The following KHDRBS2 variants were observed in gnomAD, a reference collection of about 807,000 sequenced individuals.
The protein encoded by KHDRBS2 is KH RNA binding domain containing, signal transduction associated 2.
A neutral mutation model predicts 44.3 loss-of-function variants in KHDRBS2; 26 were observed. The ratio of observed to expected loss-of-function variants is 0.59; its 90% CI spans 0.43 to 0.81. The LOEUF is 0.81. Among genes scored for constraint, KHDRBS2 ranks in the 40% least tolerant of loss-of-function variants. KHDRBS2 has a pLI of 0.00. For missense variants in KHDRBS2, 476 were observed against 433.1 expected (o/e 1.10, Z -0.88); for synonymous variants, 194 against 151.1 (o/e 1.28, Z -2.08).
At chr6:61,772,300 G>T (rs971824296) in intron 6 of KHDRBS2, among the ~76,000 whole-genome samples, 46 of 151,926 alleles carry the variant, frequency 3.0e-4, no homozygotes, top group Admixed American at 7.9e-4. Flanking sequence ...GCTAGCAGAA[G>T]GCAAGAAATA....
the KHDRBS2 span, among the ~76,000 whole-genome samples, chr6:61,636,686 C>T: frequency 6.6e-6 from 1 of 152,076 alleles, no homozygotes; most frequent in Admixed American, 6.6e-5. Flanking sequence ...TGGCTCTCCA[C>T]CACTAAGAAG....
intron 2 of KHDRBS2, among the ~76,000 whole-genome samples, chr6:62,070,331 ACTT>A (rs1227717612): frequency 1.9e-5 from 2 of 102,582 alleles, no homozygotes; most frequent in East Asian, 2.8e-4. Flanking sequence ...GAAAGTGTTC[ACTT>A]CTTTTTTTTT....
At chr6:61,999,371 G>A (rs565590444) in intron 3 of KHDRBS2, among the ~76,000 whole-genome samples, 56 of 152,140 alleles carry the variant, frequency 3.7e-4, no homozygotes, top group African/African-American at 1.1e-3. Flanking sequence ...TGTTATGTAC[G>A]TATGGAGAAC....
chr6:62,122,613 T>C (rs1394250323), intron 2 of KHDRBS2, among the ~76,000 whole-genome samples: 1 of 152,100 alleles, frequency 6.6e-6, no homozygotes, highest in Non-Finnish European at 1.5e-5. Flanking sequence ...GACAGCCTCA[T>C]GAGGAGTTCC....
At chr6:62,060,631 C>G (rs1698834) in intron 2 of KHDRBS2, among the ~76,000 whole-genome samples, 5 of 147,344 alleles carry the variant, frequency 3.4e-5, no homozygotes, top group Non-Finnish European at 7.5e-5. Context: ...CTCTCTCTCT[C>G]TCTATATATA....
chr6:62,199,674 G>T (rs1826499759), intron 1 of KHDRBS2, among the ~76,000 whole-genome samples: 1 of 152,142 alleles, frequency 6.6e-6, no homozygotes, highest in South Asian at 2.1e-4. Context: ...GTAATTTAGA[G>T]ATTCAATGCC....
chr6:61,665,702 T>C, the KHDRBS2 span, among the ~76,000 whole-genome samples: 90 of 151,182 alleles, frequency 6.0e-4, no homozygotes, highest in African/African-American at 2.1e-3. Flanking sequence ...GAAAAAAAAA[T>C]CCAGAATTAA....
At chr6:61,560,053 G>A in the KHDRBS2 span, among the ~76,000 whole-genome samples, 1 of 151,986 alleles carries the variant, frequency 6.6e-6, no homozygotes, top group Non-Finnish European at 1.5e-5. Flanking sequence ...TCTCCTTCAT[G>A]TTTGAAGTAT....
chr6:61,939,657 C>T (rs1417360347), intron 4 of KHDRBS2, among the ~76,000 whole-genome samples: 1 of 152,150 alleles, frequency 6.6e-6, no homozygotes, highest in South Asian at 2.1e-4. Flanking sequence ...CACATTATTT[C>T]CTGCTTTTAC....
At chr6:62,064,324 T>C (rs942579595) in intron 2 of KHDRBS2, among the ~76,000 whole-genome samples, 1 of 149,142 alleles carries the variant, frequency 6.7e-6, no homozygotes, top group Non-Finnish European at 1.5e-5. Flanking sequence ...CATCGCCAAG[T>C]CAATCCTAAG....
chr6:61,769,213 G>A (rs990741861), intron 6 of KHDRBS2, among the ~76,000 whole-genome samples: 1 of 152,084 alleles, frequency 6.6e-6, no homozygotes, highest in African/African-American at 2.4e-5. Flanking sequence ...GAACAGCTCC[G>A]GTCTACGGAG....
At chr6:61,762,696 A>C (rs1779451279) in intron 6 of KHDRBS2, among the ~76,000 whole-genome samples, 1 of 152,182 alleles carries the variant, frequency 6.6e-6, no homozygotes, top group Non-Finnish European at 1.5e-5. Flanking sequence ...TTTCCTTTAT[A>C]AATAACCTTA....
the KHDRBS2 span, among the ~76,000 whole-genome samples, chr6:61,546,477 A>T: frequency 6.6e-6 from 1 of 152,128 alleles, no homozygotes; most frequent in Non-Finnish European, 1.5e-5. Flanking sequence ...AACCAATTTT[A>T]CCATAGGCTA....
the KHDRBS2 span, among the ~76,000 whole-genome samples, chr6:61,604,936 C>G: frequency 6.6e-6 from 1 of 152,076 alleles, no homozygotes; most frequent in Non-Finnish European, 1.5e-5. Context: ...CTTTATTAGT[C>G]AAATCACCCA....
chr6:62,034,305 G>T (rs1395800962), intron 3 of KHDRBS2, among the ~76,000 whole-genome samples: 1 of 151,704 alleles, frequency 6.6e-6, no homozygotes, highest in Admixed American at 6.6e-5. Context: ...GAGGAGAAAC[G>T]AATACTAACA....
At chr6:61,749,202 A>G (rs1377614386) in intron 6 of KHDRBS2, among the ~76,000 whole-genome samples, 1 of 151,320 alleles carries the variant, frequency 6.6e-6, no homozygotes, top group Non-Finnish European at 1.5e-5. Flanking sequence ...TTTAGTAGAG[A>G]TGGGGTTCCG....
intron 6 of KHDRBS2, among the ~76,000 whole-genome samples, chr6:61,813,786 G>C (rs1490509159): frequency 2.6e-5 from 4 of 151,978 alleles, no homozygotes. Flanking sequence ...CTCATTGTCT[G>C]GAATAAACTA....
At chr6:61,679,142 G>A (rs1349025553), downstream of KHDRBS2, among the ~76,000 whole-genome samples, 1 of 151,744 alleles carries the variant, frequency 6.6e-6, no homozygotes, top group Non-Finnish European at 1.5e-5. Flanking sequence ...CAATCACATC[G>A]ACAAAAAGCC....
At chr6:62,130,904 G>T (rs1189447847) in intron 2 of KHDRBS2, among the ~76,000 whole-genome samples, 1 of 151,996 alleles carries the variant, frequency 6.6e-6, no homozygotes, top group Non-Finnish European at 1.5e-5. Context: ...AGTTTCTACA[G>T]AATGTACATC....
Sources: allele counts gnomAD v4.1 joint callset (sites outside exome capture counted in the v4.1 genomes callset), GRCh38; gene constraint gnomAD v4.1.1; transcripts MANE v1.5; gene names NCBI Gene and HGNC (gene_info 2026-07-23, HGNC 2026-07-21).